GLIS3: variants seen among roughly 807,000 people sequenced by gnomAD.
GLIS3 encodes GLIS family zinc finger 3.
A neutral mutation model predicts 78.6 loss-of-function variants in GLIS3; 53 were observed. That is an observed-to-expected ratio of 0.67 (90% CI 0.54 to 0.85). The LOEUF (loss-of-function observed/expected upper bound fraction) is 0.85, where lower values mean the gene tolerates loss of function less well. GLIS3 is among the 40% of genes least tolerant of loss of function. The probability of loss-of-function intolerance (pLI) is 0.00; values close to 1 mark genes in which losing one functional copy is unlikely to be tolerated. For missense variants in GLIS3, 1,703 were observed against 1,231.1 expected, an observed-to-expected ratio of 1.38 and a Z score of -5.74; for synonymous variants, 684 against 509.9, an observed-to-expected ratio of 1.34 and a Z score of -4.60.
chr9:4,473,964 T>C, the GLIS3 span, among the ~76,000 whole-genome samples: 3 of 152,148 alleles, frequency 2.0e-5, no homozygotes, highest in Non-Finnish European at 4.4e-5. Context: ...ACCAGCTTCA[T>C]GTATTAGAAG....
intron 8 of GLIS3, among the ~76,000 whole-genome samples, chr9:3,867,123 A>G (rs1212072952): frequency 6.6e-6 from 1 of 152,236 alleles, no homozygotes. Context: ...GAAGATAACT[A>G]TATAGACTTA....
In GLIS3 at chr9:4,224,565, C is replaced by T. The variant is rs182389975; in HGVS notation, c.388+61473G>A. Among the ~76,000 whole-genome samples the T allele has an allele frequency of 1.2e-3, 187 of 152,294 alleles. 2 individuals carry two copies. The highest frequency in any genetic ancestry group is 3.9e-4 in the East Asian group (2 of 5,186). On this transcript the variant is annotated intron_variant, in intron 2 of 10. Transcript: ENST00000381971. ...TACACAGCTGATTGTTTTCTCACCG[C>T]ATTGGCTACAGGAAAATCCAGAACC... is the stretch of plus-strand genomic sequence containing the variant.
chr9:4,031,034 G>A (rs529601489), intron 4 of GLIS3, among the ~76,000 whole-genome samples: 5 of 152,106 alleles, frequency 3.3e-5, no homozygotes, highest in African/African-American at 4.8e-5. Context: ...TTGAACATTC[G>A]TGCACTGCTG....
At chr9:3,916,035 G>T (rs1306729318) in intron 6 of GLIS3, among the ~76,000 whole-genome samples, 2 of 152,148 alleles carry the variant, frequency 1.3e-5, no homozygotes, top group African/African-American at 4.8e-5. Context: ...AAGTCTTCTA[G>T]TCCATGTAGA....
chr9:3,943,289 C>T (rs530469770), intron 4 of GLIS3, among the ~76,000 whole-genome samples: 1 of 152,300 alleles, frequency 6.6e-6, no homozygotes, highest in African/African-American at 2.4e-5. Context: ...AAAAGTAGTT[C>T]ATGAATCGAT....
At chr9:4,378,084 C>T in the GLIS3 span, among the ~76,000 whole-genome samples, 1 of 152,090 alleles carries the variant, frequency 6.6e-6, no homozygotes, top group Admixed American at 6.6e-5. Flanking sequence ...TGATCGTGAA[C>T]ATGAGAAGAC....
intron 4 of GLIS3, among the ~76,000 whole-genome samples, chr9:4,081,774 C>G (rs1189783870): frequency 6.6e-6 from 1 of 152,164 alleles, no homozygotes; most frequent in East Asian, 1.9e-4. Context: ...CAGTACAATT[C>G]TATCATAAAT....
At position 3,965,188 on chromosome 9, in the gene GLIS3, C is replaced by CTTTTTTTTTTTTTTTTTTTTTTTTTTT. The variant is rs750454441; in HGVS notation, c.1711-28000_1711-27999insAAAAAAAAAAAAAAAAAAAAAAAAAAA. Among the ~76,000 whole-genome samples, 14 of 98,996 alleles carry CTTTTTTTTTTTTTTTTTTTTTTTTTTT rather than the reference C, an allele frequency of 1.4e-4. 2 individuals are homozygous for CTTTTTTTTTTTTTTTTTTTTTTTTTTT. The highest frequency in any genetic ancestry group is 2.0e-4 in the African/African-American group (5 of 25,328). The allele number at this position is 98,996 out of a possible 152,430, so 64.9% of individuals were successfully genotyped here. A position where few individuals can be genotyped will look rare whatever the true frequency, so the allele number is the denominator to read the frequency against. On this transcript the variant is annotated intron_variant, in intron 4 of 10. Transcript: ENST00000381971. The stretch of plus-strand genomic sequence containing the variant: ...TACTTCTTTTCTATTTCTTTCTTTT[C>CTTTTTTTTTTTTTTTTTTTTTTTTTTT]TTTTCTTTTTTTTTTTTTTTTTTTG...
intron 9 of GLIS3, among the ~76,000 whole-genome samples, chr9:3,840,516 G>A (rs1403229358): frequency 3.3e-5 from 5 of 152,162 alleles, no homozygotes; most frequent in African/African-American, 1.2e-4. Context: ...TGCGGGCTGA[G>A]AACTGAACCA....
the GLIS3 span, among the ~76,000 whole-genome samples, chr9:4,416,252 T>TTTTAAAAAAAAAAAAAA: frequency 2.6e-5 from 2 of 75,804 alleles, 1 homozygote; most frequent in African/African-American, 1.1e-4. Flanking sequence ...ACACTGTTTT[T>TTTTAAAAAAAAAAAAAA]AAAAAAAAAA....
chr9:3,845,907 C>T (rs768350816), intron 9 of GLIS3, among the ~76,000 whole-genome samples: 2 of 152,190 alleles, frequency 1.3e-5, no homozygotes, highest in African/African-American at 2.4e-5. Context: ...GTGCAATTTC[C>T]AGCTCCACTG....
At chr9:3,855,667 G>C (rs1489147384) in intron 9 of GLIS3, 2 of 360,766 alleles carry the variant, frequency 5.5e-6, no homozygotes, top group East Asian at 7.1e-5. Flanking sequence ...GCAGAGCAGA[G>C]GCATGCTTGG....
At chr9:4,328,626 G>A (rs1333230334) in intron 2 of GLIS3, among the ~76,000 whole-genome samples, 1 of 152,244 alleles carries the variant, frequency 6.6e-6, no homozygotes, top group Non-Finnish European at 1.5e-5. Context: ...ATGTTAAGAA[G>A]CAAGGAAGTC....
the GLIS3 span, among the ~76,000 whole-genome samples, chr9:4,433,478 A>T: frequency 1.3e-5 from 2 of 152,154 alleles, no homozygotes; most frequent in African/African-American, 4.8e-5. Flanking sequence ...TTCATAGGAG[A>T]AGTTTCTCAG....
intron 4 of GLIS3, among the ~76,000 whole-genome samples, chr9:4,045,500 T>G (rs1010631747): frequency 4.1e-5 from 6 of 145,846 alleles, no homozygotes; most frequent in African/African-American, 1.6e-4. Context: ...CACACCTGGC[T>G]AATTTTTTTT....
At chr9:4,409,734 A>G in the GLIS3 span, among the ~76,000 whole-genome samples, 88,869 of 151,996 alleles carry the variant, frequency 0.58, 26,786 homozygotes, top group South Asian at 0.73. Flanking sequence ...ATGATAAATC[A>G]CAAACTATCA....
intron 4 of GLIS3, among the ~76,000 whole-genome samples, chr9:4,050,227 G>A (rs1349059029): frequency 6.6e-6 from 1 of 152,178 alleles, no homozygotes; most frequent in Admixed American, 6.6e-5. Context: ...ACTGGATTAA[G>A]AAAATGTGGC....
the GLIS3 span, among the ~76,000 whole-genome samples, chr9:4,381,128 G>T: frequency 6.6e-6 from 1 of 152,090 alleles, no homozygotes; most frequent in African/African-American, 2.4e-5. Context: ...AAGTAAGTGA[G>T]AAAACAGTAA....
intron 2 of GLIS3, among the ~76,000 whole-genome samples, chr9:4,178,730 G>T (rs1390085765): frequency 6.6e-6 from 1 of 152,166 alleles, no homozygotes; most frequent in African/African-American, 2.4e-5. Flanking sequence ...TTTTCCTGAT[G>T]TATATAGGTT....
Sources: allele counts gnomAD v4.1 joint callset (sites outside exome capture counted in the v4.1 genomes callset), GRCh38; gene constraint gnomAD v4.1.1; transcripts MANE v1.5; gene names NCBI Gene and HGNC (gene_info 2026-07-23, HGNC 2026-07-21).